Variants in ERICH4 observed in about 807,000 individuals in gnomAD.
The protein encoded by ERICH4 is glutamate-rich protein 4.
ERICH4 carries 4 observed loss-of-function variants against 5.2 expected under a neutral mutation model. The ratio of observed to expected loss-of-function variants is 0.77; its 90% CI spans 0.38 to 1.76. The LOEUF (loss-of-function observed/expected upper bound fraction) is 1.76, where lower values mean the gene tolerates loss of function less well. Ranked by LOEUF, ERICH4 falls within the 40% of genes most tolerant of loss-of-function variation. ERICH4 has a pLI of 0.04. For missense variants in ERICH4, 164 were observed against 159.8 expected (o/e 1.03, Z -0.14); for synonymous variants, 75 against 68.7 (o/e 1.09, Z -0.45).
Position 41,443,392 on chromosome 19 carries a change from A to G in ERICH4, c.174+49A>G, listed in dbSNP as rs1243545955. Reference sequence around the variant, plus strand: ...AAGAGAAAGAGAGGAAATGAGAATGAATGGAAATGAACAAAAATAGAGAAG... The same window carrying G: ...AAGAGAAAGAGAGGAAATGAGAATGGATGGAAATGAACAAAAATAGAGAAG... On this transcript the variant is annotated intron_variant, in intron 1 of 1. Coordinates refer to ENST00000378187, the MANE Select transcript of ERICH4 (RefSeq NM_001130514.3). The G allele has an allele frequency of 4.7e-6, 6 of 1,283,684 alleles. No homozygotes were observed. The Admixed American group carries it at 1.9e-4, about 41-fold the overall frequency. The allele number at this position is 1,283,684 out of a possible 1,614,324, so 79.5% of individuals were successfully genotyped here. A position where few individuals can be genotyped will look rare whatever the true frequency, so the allele number is the denominator to read the frequency against.
chr19:41,443,471 T>A, intron 1 of ERICH4, 128 bp downstream of exon 1: 1 of 749,750 alleles, frequency 1.3e-6, no homozygotes. Flanking sequence ...ATGAGAGGCA[T>A]GTACAGACAC....
In ERICH4 at chr19:41,444,397, G is replaced by A; in HGVS notation, c.*173G>A. ...GCATTGGCCTGTGAGCTATGGGTGT[G>A]TTTGCAGATGACATGAGGATGTGTT... On this transcript the variant is annotated 3_prime_UTR_variant, in exon 2 of 2. Coordinates refer to ENST00000378187, the MANE Select transcript of ERICH4 (RefSeq NM_001130514.3). 1.5e-6 allele frequency: 1 copy of A among 680,768 alleles called. No homozygotes were observed. The highest frequency in any genetic ancestry group is 2.6e-5 in the Admixed American group (1 of 38,900). The allele number at this position is 680,768 out of a possible 1,614,324, so 42.2% of individuals were successfully genotyped here.
chr19:41,443,471 T>C (rs2040135002), intron 1 of ERICH4, 128 bp downstream of exon 1: 3 of 749,638 alleles, frequency 4.0e-6, no homozygotes, highest in Admixed American at 4.0e-5. Context: ...ATGAGAGGCA[T>C]GTACAGACAC....
At position 41,443,337 on chromosome 19, in the gene ERICH4, G is replaced by A. The variant is rs539595434; in HGVS notation, c.168G>A (p.Glu56=). Reference sequence around the variant, plus strand: ...GCGATAGTCTGCTGTGGATCAGGGAGGAGCTGGTGAGTGAGGGGTTTGGAA... The same window carrying A: ...GCGATAGTCTGCTGTGGATCAGGGAAGAGCTGGTGAGTGAGGGGTTTGGAA... ...GACDSLLWIR[E]ELGNLRRVDV... is the part of the protein sequence containing the mutation. The change falls in exon 1 of 2, where the codon GAG becomes GAA. Residue 56 remains glutamate (E), a synonymous_variant. Transcript: ENST00000378187. 11 of 1,295,994 alleles carry A rather than the reference G, an allele frequency of 8.5e-6. No individual in the cohort carries two copies. The highest frequency in any genetic ancestry group is 2.1e-4 in the Middle Eastern group (1 of 4,754). The allele number at this position is 1,295,994 out of a possible 1,614,324, so 80.3% of individuals were successfully genotyped here.
In ERICH4 at chr19:41,444,327, C is replaced by A; in HGVS notation, c.*103C>A. 7.8e-7 allele frequency: 1 copy of A among 1,275,394 alleles called. No homozygotes were observed. The highest frequency in any genetic ancestry group is 1.1e-6 in the Non-Finnish European group (1 of 904,816). The allele number at this position is 1,275,394 out of a possible 1,614,324, so 79.0% of individuals were successfully genotyped here. A position where few individuals can be genotyped will look rare whatever the true frequency, so the allele number is the denominator to read the frequency against. On this transcript the variant is annotated 3_prime_UTR_variant, in exon 2 of 2. Transcript: ENST00000378187. The stretch of plus-strand genomic sequence containing the variant: ...AAGCAGATGTGGAATCAAGTATACC[C>A]CTTTAGTAAGTGCTTTCTCTGAAGG...
At chr19:41,443,982 G>T (rs1388210118) in intron 1 of ERICH4, 24 bp from the exon 2 acceptor site, 9 of 1,540,560 alleles carry the variant, frequency 5.8e-6, no homozygotes, top group Non-Finnish European at 7.9e-6. Context: ...TGGCATCCCT[G>T]TGACGTCCCC....
intron 1 of ERICH4, 97 bp downstream of exon 1, chr19:41,443,440 C>G (rs2040134609): frequency 9.5e-7 from 1 of 1,055,054 alleles, no homozygotes; most frequent in Admixed American, 3.9e-5. Context: ...AAAACAGAAT[C>G]TGAGAGATAG....
At chr19:41,443,460 C>T in intron 1 of ERICH4, 117 bp downstream of exon 1, 1 of 861,102 alleles carries the variant, frequency 1.2e-6, no homozygotes, top group Non-Finnish European at 1.6e-6. Context: ...GAAGCAGAGA[C>T]ATGAGAGGCA....
intron 1 of ERICH4, 53 bp downstream of exon 1, chr19:41,443,396 G>C: frequency 7.8e-7 from 1 of 1,273,894 alleles, no homozygotes; most frequent in South Asian, 2.6e-5. Context: ...AGAATGAATG[G>C]AAATGAACAA....
chr19:41,443,411 A>G (rs1297011371), intron 1 of ERICH4, 68 bp downstream of exon 1: 1 of 1,226,516 alleles, frequency 8.2e-7, no homozygotes, highest in Non-Finnish European at 1.0e-6. Flanking sequence ...GAACAAAAAT[A>G]GAGAAGGCCA....
In ERICH4 at chr19:41,444,121, G is replaced by A. The variant is rs1218972749; in HGVS notation, c.290G>A (p.Ser97Asn). Residue 97 changes from serine (S) to asparagine (N), a missense_variant, in exon 2 of 2, where the codon AGC becomes AAC. By Grantham distance (46) the Ser-to-Asn change is conservative (BLOSUM62 1). Transcript: ENST00000378187. Reference sequence around the variant, plus strand: ...ATATTGGAGGAGGAGGAGGAGAGCAGCAAGGAAGAGGAGGAGGATCAAGAG... The same window carrying A: ...ATATTGGAGGAGGAGGAGGAGAGCAACAAGGAAGAGGAGGAGGATCAAGAG... ...VTILEEEEES[S>N]KEEEEDQEPQ... 32 of 1,551,910 alleles carry A rather than the reference G, an allele frequency of 2.1e-5. No individual in the cohort carries two copies. The highest frequency in any genetic ancestry group is 2.8e-5 in the Non-Finnish European group (32 of 1,147,052).
chr19:41,444,155 G>A lies in ERICH4; in HGVS notation c.324G>A (p.Arg108=). Residue 108 remains arginine (R), a synonymous_variant, in exon 2 of 2, where the codon AGG becomes AGA. Transcript: ENST00000378187. ...KEEEEDQEPQ[R]KQEEEHLEAC... is the part of the protein sequence containing the mutation. ...AGGAGGAGGATCAAGAGCCCCAGAG[G>A]AAGCAGGAGGAGGAACACCTGGAGG... 3.9e-6 allele frequency: 6 copies of A among 1,552,122 alleles called. No homozygotes were observed. Among genetic ancestry groups the A allele is most frequent in the Non-Finnish European group, 5.2e-6 (6 of 1,147,070 alleles).
Position 41,443,246 on chromosome 19 carries a change from A to G in ERICH4, c.77A>G (p.Glu26Gly). The change falls in exon 1 of 2, where the codon GAG becomes GGG. Residue 26 changes from glutamate to glycine, a missense_variant. Glu to Gly is a moderately conservative substitution (Grantham distance 98). Coordinates refer to ENST00000378187, the MANE Select transcript of ERICH4 (RefSeq NM_001130514.3). ...GGCCCACCCCCCCAGGCCCTGAGGGAGGTCTCCCCAGTGGAAATCCCTGGT... is the reference window on the plus strand; with the variant it reads ...GGCCCACCCCCCCAGGCCCTGAGGGGGGTCTCCCCAGTGGAAATCCCTGGT... Reference protein sequence around the residue: ...GLGPPPQALREVSPVEIPGQT... With the variant: ...GLGPPPQALRGVSPVEIPGQT... 3 of 1,446,374 alleles carry G rather than the reference A, an allele frequency of 2.1e-6. No individual in the cohort carries two copies. Among genetic ancestry groups the G allele is most frequent in the East Asian group, 2.9e-5 (1 of 34,560 alleles). The allele number at this position is 1,446,374 out of a possible 1,614,324, so 89.6% of individuals were successfully genotyped here. A position where few individuals can be genotyped will look rare whatever the true frequency, so the allele number is the denominator to read the frequency against.
rs2122341627 is a variant in ERICH4, at chr19:41,444,369, T to C, written c.*145T>C. The C allele has an allele frequency of 1.2e-6, 1 of 806,232 alleles. No individual in the cohort carries two copies. Among genetic ancestry groups the C allele is most frequent in the East Asian group, 2.7e-5 (1 of 37,504 alleles). 49.9% of individuals were successfully genotyped at this position (806,232 alleles called of 1,614,324 possible). On this transcript the variant is annotated 3_prime_UTR_variant, in exon 2 of 2. Transcript: ENST00000378187. Reference sequence around the variant, plus strand: ...CTCTGAAGGTGCCTGCAATGATATTTAGGCATTGGCCTGTGAGCTATGGGT... The same window carrying C: ...CTCTGAAGGTGCCTGCAATGATATTCAGGCATTGGCCTGTGAGCTATGGGT...
chr19:41,444,048 T>G lies in ERICH4; in HGVS notation c.217T>G (p.Cys73Gly), dbSNP rs782715914. The change falls in exon 2 of 2, where the codon TGC becomes GGC. Residue 73 changes from cysteine to glycine, a missense_variant. By Grantham distance (159) the Cys-to-Gly change is radical. Transcript: ENST00000378187. ...GGATGTCCAGCTGCTGGGACAGCTG[T>G]GCAGCCTGGGGCTGGAGATGGGGGC... ...RVDVQLLGQL[C>G]SLGLEMGALR... 1.3e-5 allele frequency: 20 copies of G among 1,550,458 alleles called. No homozygotes were observed. In the South Asian group the frequency reaches 2.1e-4, roughly 17 times the overall value.
Position 41,443,317 on chromosome 19 carries a change from A to G in ERICH4, c.148A>G (p.Ser50Gly). 7.6e-7 allele frequency: 1 copy of G among 1,307,530 alleles called. No homozygotes were observed. The highest frequency in any genetic ancestry group is 9.8e-7 in the Non-Finnish European group (1 of 1,016,872). 81.0% of individuals were successfully genotyped at this position (1,307,530 alleles called of 1,614,324 possible). A position where few individuals can be genotyped will look rare whatever the true frequency, so the allele number is the denominator to read the frequency against. ...AGADTGGACDSLLWIREELGN... is the reference protein window; with the variant it reads ...AGADTGGACDGLLWIREELGN... The stretch of plus-strand genomic sequence containing the variant: ...GGCAGACACTGGAGGTGCCTGCGAT[A>G]GTCTGCTGTGGATCAGGGAGGAGCT... Residue 50 changes from serine (S) to glycine (G), a missense_variant, in exon 1 of 2, where the codon AGT (serine) becomes GGT (glycine). Ser to Gly is a moderately conservative substitution (Grantham distance 56). Transcript: ENST00000378187.
Position 41,444,574 on chromosome 19 carries a change from C to T in ERICH4, c.*350C>T, listed in dbSNP as rs1449273849. Reference sequence around the variant, plus strand: ...GCTGTCCAGTATGGTAGCCACCGGACACACATGGTTATTTAGTGCTTGAAA... The same window carrying T: ...GCTGTCCAGTATGGTAGCCACCGGATACACATGGTTATTTAGTGCTTGAAA... On this transcript the variant is annotated 3_prime_UTR_variant, in exon 2 of 2. Transcript: ENST00000378187. 3.2e-6 allele frequency: 1 copy of T among 316,720 alleles called. No individual in the cohort carries two copies. Among genetic ancestry groups the T allele is most frequent in the Non-Finnish European group, 5.9e-6 (1 of 168,636 alleles). 19.6% of individuals were successfully genotyped at this position (316,720 alleles called of 1,614,324 possible).
rs1306810276 is a variant in ERICH4, at chr19:41,444,175, TG to T, written c.346del (p.Glu116ArgfsTer13). 1.9e-6 allele frequency: 3 copies of T among 1,552,078 alleles called. No individual in the cohort carries two copies. The African/African-American group carries it at 4.1e-5, about 21-fold the overall frequency. ...EPQRKQEEEH[L>X]EACPAPHPPD... Reference sequence around the variant, plus strand: ...CAGAGGAAGCAGGAGGAGGAACACCTGGAGGCCTGCCCAGCCCCACATCCAC... The same window carrying T: ...CAGAGGAAGCAGGAGGAGGAACACCTGAGGCCTGCCCAGCCCCACATCCAC... On this transcript the variant is annotated frameshift_variant, in exon 2 of 2. Coordinates refer to ENST00000378187, the MANE Select transcript of ERICH4 (RefSeq NM_001130514.3). LOFTEE classifies it high-confidence loss of function.
At position 41,444,097 on chromosome 19, in the gene ERICH4, T is replaced by C. The variant is rs1184557364; in HGVS notation, c.266T>C (p.Ile89Thr). The C allele has an allele frequency of 1.5e-5, 23 of 1,551,458 alleles. No homozygotes were observed. The East Asian group carries it at 5.6e-4, about 38-fold the overall frequency. ...GCGCTGCGGGAGGAACTGGTCACCATATTGGAGGAGGAGGAGGAGAGCAGC... is the reference window on the plus strand; with the variant it reads ...GCGCTGCGGGAGGAACTGGTCACCACATTGGAGGAGGAGGAGGAGAGCAGC... The part of the protein sequence containing the change: ...MGALREELVT[I>T]LEEEEESSKE... The change falls in exon 2 of 2, where the codon ATA becomes ACA. Residue 89 changes from isoleucine (I) to threonine (T), a missense_variant. Physicochemically the swap from Ile to Thr is moderately conservative, Grantham distance 89. Transcript: ENST00000378187.
Sources: allele counts gnomAD v4.1 joint callset, GRCh38; gene constraint gnomAD v4.1.1; transcripts MANE v1.5; gene names NCBI Gene and HGNC (gene_info 2026-07-23, HGNC 2026-07-21).